GALNT8: variants seen among roughly 807,000 people sequenced by gnomAD.
The protein encoded by GALNT8 is polypeptide N-acetylgalactosaminyltransferase 8, also known as probable polypeptide N-acetylgalactosaminyltransferase 8.
In GALNT8, 66 loss-of-function variants were observed where a neutral mutation model predicts 62.7. That is an observed-to-expected ratio of 1.05 (90% CI 0.86 to 1.29). The LOEUF is 1.29. GALNT8 is among the 50% of genes most tolerant of loss of function. The probability of loss-of-function intolerance (pLI) is 0.00; values close to 1 mark genes in which losing one functional copy is unlikely to be tolerated. For missense variants in GALNT8, 771 were observed against 791.8 expected (o/e 0.97, Z 0.32); for synonymous variants, 288 against 294.3 (o/e 0.98, Z 0.22).
At chr12:4,729,853 A>G (rs1463315374) in intron 2 of GALNT8, among the ~76,000 whole-genome samples, 1 of 152,086 alleles carries the variant, frequency 6.6e-6, no homozygotes, top group Non-Finnish European at 1.5e-5. Context: ...TAACTGTGCA[A>G]TGGTTCTATT....
chr12:4,762,216 G>A (rs1239209703), intron 7 of GALNT8, among the ~76,000 whole-genome samples: 2 of 152,112 alleles, frequency 1.3e-5, no homozygotes, highest in Non-Finnish European at 2.9e-5. Context: ...GACATCCCTA[G>A]CTTTTTTATT....
intron 2 of GALNT8, among the ~76,000 whole-genome samples, chr12:4,737,252 G>T (rs1304479836): frequency 6.6e-6 from 1 of 152,200 alleles, no homozygotes; most frequent in Non-Finnish European, 1.5e-5. Context: ...GAGACAGACA[G>T]GTGGATACAG....
rs557016521 is a variant in GALNT8 at position 4,754,302 on chromosome 12, G to A, written c.1174-6656G>A. Among the ~76,000 whole-genome samples the A allele has an allele frequency of 3.3e-5, 5 of 152,166 alleles. No individual in the cohort carries two copies. The East Asian group carries it at 9.7e-4, about 30-fold the overall frequency. On this transcript the variant is annotated intron_variant, in intron 6 of 10. Coordinates refer to ENST00000252318, the MANE Select transcript of GALNT8 (RefSeq NM_017417.2). The stretch of plus-strand genomic sequence containing the variant: ...CTTTCGGGGCCGTGTGTTCCTCCAG[G>A]TCCCAAGTGGGTCCAGAGGTGCTGT...
chr12:4,726,502 C>G lies in GALNT8; in HGVS notation c.212-30C>G, dbSNP rs1946196060. The G allele has an allele frequency of 6.4e-7, 1 of 1,550,444 alleles. No homozygotes were observed. The highest frequency in any genetic ancestry group is 8.8e-7 in the Non-Finnish European group (1 of 1,139,394). On this transcript the variant is annotated intron_variant, in intron 1 of 10. Coordinates refer to ENST00000252318, the MANE Select transcript of GALNT8 (RefSeq NM_017417.2). The surrounding 1 kb of genome is among the most constrained non-coding windows in gnomAD (Gnocchi z 4.1). Reference sequence around the variant, plus strand: ...AACTAAGGAGGGGCTGAAATGTTTTCTCTCCCACCCCTGTCCTCTTCATTT... The same window carrying G: ...AACTAAGGAGGGGCTGAAATGTTTTGTCTCCCACCCCTGTCCTCTTCATTT...
At chr12:4,761,254 GTAAGGTC>G in intron 7 of GALNT8, 111 bp downstream of exon 7, 1 of 799,100 alleles carries the variant, frequency 1.3e-6, no homozygotes, top group Non-Finnish European at 2.1e-6. Context: ...AAGAATTAGG[GTAAGGTC>G]CTGATGGTGT....
chr12:4,743,204 G>T (rs977537007), intron 3 of GALNT8, among the ~76,000 whole-genome samples: 9 of 152,156 alleles, frequency 5.9e-5, no homozygotes, highest in African/African-American at 2.2e-4. Flanking sequence ...AAGTGACACA[G>T]GATGATGTAG....
chr12:4,725,632 T>C (rs1946191756), intron 1 of GALNT8, among the ~76,000 whole-genome samples: 1 of 146,232 alleles, frequency 6.8e-6, no homozygotes, highest in South Asian at 2.2e-4. Flanking sequence ...CTCGGCTCAC[T>C]GCAACCTCCA....
chr12:4,766,057 C>T (rs1946398714), intron 10 of GALNT8, among the ~76,000 whole-genome samples: 1 of 152,238 alleles, frequency 6.6e-6, no homozygotes, highest in African/African-American at 2.4e-5. Context: ...AGGTGTGAGC[C>T]ACTGTGCCTG....
chr12:4,754,418 C>T (rs1217477225), intron 6 of GALNT8, among the ~76,000 whole-genome samples: 1 of 152,158 alleles, frequency 6.6e-6, no homozygotes, highest in East Asian at 1.9e-4. Flanking sequence ...GGCACTCAAA[C>T]CACAAGACAC....
chr12:4,768,408 C>CTT (rs763223145), intron 10 of GALNT8: 17 of 374,160 alleles, frequency 4.5e-5, no homozygotes, highest in Non-Finnish European at 6.3e-5. Context: ...TTTTTCATAT[C>CTT]TTTTTTTTGT....
Position 4,767,439 on chromosome 12 carries a change from G to A in GALNT8, c.1761+1893G>A, listed in dbSNP as rs574092203. Reference sequence around the variant, plus strand: ...CTGGAGATATTAGCTTGAAAGGCTTGTTAGGCTTATGGATAGAGAAAAGGT... The same window carrying A: ...CTGGAGATATTAGCTTGAAAGGCTTATTAGGCTTATGGATAGAGAAAAGGT... On this transcript the variant is annotated intron_variant, in intron 10 of 10. Coordinates refer to ENST00000252318, the MANE Select transcript of GALNT8 (RefSeq NM_017417.2). 5.3e-5 allele frequency among the ~76,000 whole-genome samples: 8 copies of A among 152,344 alleles called. No homozygotes were observed. In the East Asian group the frequency reaches 1.5e-3, roughly 29 times the overall value.
intron 6 of GALNT8, among the ~76,000 whole-genome samples, chr12:4,752,682 C>G (rs935568296): frequency 6.6e-6 from 1 of 152,058 alleles, no homozygotes; most frequent in South Asian, 2.1e-4. Context: ...TTTAGACTTT[C>G]TATTTAGGAT....
At chr12:4,762,899 G>A (rs765521510) in intron 7 of GALNT8, among the ~76,000 whole-genome samples, 16 of 152,226 alleles carry the variant, frequency 1.1e-4, no homozygotes, top group Non-Finnish European at 2.4e-4. Context: ...GCCATGTGGT[G>A]GAAGAAGATT....
intron 2 of GALNT8, among the ~76,000 whole-genome samples, chr12:4,728,394 C>T (rs781776359): frequency 5.3e-5 from 8 of 151,926 alleles, no homozygotes; most frequent in Non-Finnish European, 1.2e-4. Flanking sequence ...TCTATTTTCT[C>T]CTGGGTTGCT....
At chr12:4,769,541 A>G (rs1380250949) in intron 10 of GALNT8, among the ~76,000 whole-genome samples, 23 of 152,182 alleles carry the variant, frequency 1.5e-4, no homozygotes, top group Admixed American at 1.5e-3. Context: ...CTTGAACTGA[A>G]TATTATATAG....
intron 5 of GALNT8, 58 bp downstream of exon 5, chr12:4,745,684 G>C: frequency 7.7e-7 from 1 of 1,305,036 alleles, no homozygotes; most frequent in South Asian, 1.2e-5. Context: ...GGAATGAACT[G>C]AATGGATTTT....
intron 2 of GALNT8, among the ~76,000 whole-genome samples, chr12:4,734,428 G>A (rs1432282588): frequency 6.6e-6 from 1 of 152,146 alleles, no homozygotes; most frequent in Non-Finnish European, 1.5e-5. Flanking sequence ...TGATTTGTGT[G>A]CGGGTATTGC....
intron 7 of GALNT8, among the ~76,000 whole-genome samples, chr12:4,762,830 G>A (rs1241895214): frequency 6.6e-6 from 1 of 152,256 alleles, no homozygotes; most frequent in African/African-American, 2.4e-5. Context: ...GCTGAGCAAT[G>A]AATGATTCGC....
At chr12:4,756,405 T>G (rs1469192001) in intron 6 of GALNT8, among the ~76,000 whole-genome samples, 2 of 152,200 alleles carry the variant, frequency 1.3e-5, no homozygotes, top group Non-Finnish European at 2.9e-5. Flanking sequence ...CCTGCTGCAT[T>G]AAGCACCTAG....
Sources: allele counts gnomAD v4.1 joint callset (sites outside exome capture counted in the v4.1 genomes callset), GRCh38; gene constraint gnomAD v4.1.1; non-coding constraint Gnocchi (gnomAD v3.1); transcripts MANE v1.5; gene names NCBI Gene and HGNC (gene_info 2026-07-23, HGNC 2026-07-21).